The following GARIN3 variants were observed in gnomAD, a reference collection of about 807,000 sequenced individuals.
GARIN3 encodes Golgi-associated RAB2 interactor protein 3.
the GARIN3 span, chr5:157,165,495 G>A: frequency 6.5e-7 from 1 of 1,528,242 alleles, no homozygotes. Context: ...CAAAGGCTTT[G>A]TAGGACTGGC....
the GARIN3 span, chr5:157,162,455 A>G: frequency 4.3e-6 from 7 of 1,613,230 alleles, no homozygotes; most frequent in African/African-American, 8.0e-5. Context: ...CTTTAAATGG[A>G]TTTGGTTTCA....
chr5:157,164,567 C>T, the GARIN3 span, among the ~76,000 whole-genome samples: 1 of 152,206 alleles, frequency 6.6e-6, no homozygotes, highest in Non-Finnish European at 1.5e-5. Context: ...TACAATTCCT[C>T]ATCCTTGGAC....
chr5:157,163,315 G>A, the GARIN3 span: 5 of 1,614,016 alleles, frequency 3.1e-6, no homozygotes, highest in Non-Finnish European at 4.2e-6. Context: ...ATTTTTGATA[G>A]CTGCTCCCGC....
chr5:157,162,119 C>T, the GARIN3 span: 96 of 345,074 alleles, frequency 2.8e-4, 2 homozygotes, highest in South Asian at 2.6e-3. Flanking sequence ...CCATGCATCC[C>T]AGCTCTTAGT....
chr5:157,166,206 T>G, the GARIN3 span: 2 of 1,581,290 alleles, frequency 1.3e-6, no homozygotes, highest in South Asian at 2.4e-5. Context: ...CAGCCACAAA[T>G]AGAGTCCCCG....
chr5:157,164,807 G>A, the GARIN3 span, among the ~76,000 whole-genome samples: 7 of 151,852 alleles, frequency 4.6e-5, no homozygotes, highest in Non-Finnish European at 1.0e-4. Context: ...TAAAAATATG[G>A]CACAGCACTT....
the GARIN3 span, chr5:157,163,695 T>G: frequency 6.3e-7 from 1 of 1,584,948 alleles, no homozygotes; most frequent in Non-Finnish European, 8.6e-7. Context: ...GAGATTGAGA[T>G]GACTGAAAGG....
chr5:157,162,775 CGA>C, the GARIN3 span: 6 of 1,614,074 alleles, frequency 3.7e-6, no homozygotes. Context: ...GGAGCTCTTG[CGA>C]GAGGAGCCAT....
the GARIN3 span, among the ~76,000 whole-genome samples, chr5:157,164,916 G>T: frequency 6.6e-6 from 1 of 152,136 alleles, no homozygotes; most frequent in Non-Finnish European, 1.5e-5. Flanking sequence ...GCTACTCAGA[G>T]GCTGAGGCAG....
At chr5:157,163,885 G>A in the GARIN3 span, among the ~76,000 whole-genome samples, 956 of 152,106 alleles carry the variant, frequency 6.3e-3, 8 homozygotes, top group African/African-American at 0.021. Context: ...GCAAAACCCC[G>A]ACTCTACTAA....
chr5:157,162,393 G>C, the GARIN3 span: 1 of 1,549,786 alleles, frequency 6.5e-7, no homozygotes, highest in East Asian at 2.2e-5. Context: ...AGCTGGGATG[G>C]GCTCCTCTAG....
At chr5:157,162,147 T>C in the GARIN3 span, 1 of 406,812 alleles carries the variant, frequency 2.5e-6, no homozygotes, top group African/African-American at 2.1e-5. Flanking sequence ...TTTGACAGTC[T>C]CGGGGAAGCA....
At chr5:157,165,956 T>C in the GARIN3 span, 282 of 1,614,200 alleles carry the variant, frequency 1.7e-4, 2 homozygotes, top group South Asian at 2.1e-3. Context: ...CGATGCCCAC[T>C]GTCACCATTC....
At chr5:157,166,214 C>T in the GARIN3 span, 1 of 1,568,296 alleles carries the variant, frequency 6.4e-7, no homozygotes, top group South Asian at 1.2e-5. Flanking sequence ...AATAGAGTCC[C>T]CGAGAGAGAG....
At chr5:157,164,856 A>AT in the GARIN3 span, among the ~76,000 whole-genome samples, 2 of 152,114 alleles carry the variant, frequency 1.3e-5, no homozygotes, top group African/African-American at 4.8e-5. Context: ...ACTAAAAAAA[A>AT]AAAAATTATA....
chr5:157,165,806 T>A, the GARIN3 span: 5 of 1,613,966 alleles, frequency 3.1e-6, no homozygotes, highest in Non-Finnish European at 4.2e-6. Context: ...AGGGAAGCAG[T>A]CTCGTGAGCT....
the GARIN3 span, chr5:157,163,064 T>C: frequency 4.3e-5 from 70 of 1,614,100 alleles, no homozygotes; most frequent in Admixed American, 4.8e-4. Context: ...CTTTGCAAGG[T>C]GGAGATGAGG....
At chr5:157,163,988 C>T in the GARIN3 span, among the ~76,000 whole-genome samples, 2 of 151,850 alleles carry the variant, frequency 1.3e-5, no homozygotes, top group Non-Finnish European at 2.9e-5. Context: ...ACTCAGAAGG[C>T]AGAGGCTGCA....
At chr5:157,165,332 C>T in the GARIN3 span, among the ~76,000 whole-genome samples, 1 of 151,978 alleles carries the variant, frequency 6.6e-6, no homozygotes, top group Non-Finnish European at 1.5e-5. Context: ...GGTGTGAGAC[C>T]AGAGTAGCTG....
Sources: allele counts gnomAD v4.1 joint callset (sites outside exome capture counted in the v4.1 genomes callset), GRCh38; gene constraint gnomAD v4.1.1; transcripts MANE v1.5; gene names NCBI Gene and HGNC (gene_info 2026-07-23, HGNC 2026-07-21).